ARMC2: variants seen among roughly 807,000 people sequenced by gnomAD.
ARMC2 encodes armadillo repeat-containing protein 2.
A neutral mutation model predicts 90.3 loss-of-function variants in ARMC2; 67 were observed. The observed-to-expected ratio is 0.74, with a 90% CI of 0.61 to 0.91. ARMC2 has a LOEUF of 0.91. Among genes scored for constraint, ARMC2 ranks in the 40% least tolerant of loss-of-function variants. The pLI is 0.00. For synonymous variants in ARMC2, 393 were observed against 393.0 expected (o/e 1.00, Z 0.00); for missense variants, 920 against 1,030.9 (o/e 0.89, Z 1.47).
intron 5 of ARMC2, among the ~76,000 whole-genome samples, chr6:108,880,563 C>T (rs945681121): frequency 2.6e-5 from 4 of 152,142 alleles, no homozygotes; most frequent in African/African-American, 9.7e-5. Flanking sequence ...GAGCAAGGAA[C>T]GAAGATAATG....
At chr6:108,975,003 T>C (rs1012606827), downstream of ARMC2, among the ~76,000 whole-genome samples, 14 of 150,132 alleles carry the variant, frequency 9.3e-5, no homozygotes, top group African/African-American at 2.9e-4. Context: ...CTCTCTCTCT[T>C]TTTTTTTTTC....
At chr6:108,933,022 A>T (rs1775700784) in intron 11 of ARMC2, among the ~76,000 whole-genome samples, 2 of 151,892 alleles carry the variant, frequency 1.3e-5, no homozygotes, top group Admixed American at 1.3e-4. Flanking sequence ...TTCTTTTTGC[A>T]TAAGATTCCT....
chr6:109,015,720 G>A, the ARMC2 span, among the ~76,000 whole-genome samples: 4 of 152,108 alleles, frequency 2.6e-5, no homozygotes. Context: ...TATGTTGCTA[G>A]GCGCTACTGA....
rs143041417 is a variant in ARMC2 at position 108,920,283 on chromosome 6, G to A, written c.1350+7725G>A. Reference sequence around the variant, plus strand: ...CAGCTCACTGCAACCTCCACCTCCCGGGTTCAAGCAGTTCTCCTGCCTCAG... The same window carrying A: ...CAGCTCACTGCAACCTCCACCTCCCAGGTTCAAGCAGTTCTCCTGCCTCAG... On this transcript the variant is annotated intron_variant, in intron 10 of 17. Transcript: ENST00000392644. Among the ~76,000 whole-genome samples the A allele has an allele frequency of 5.3e-4, 81 of 152,216 alleles. 1 individual carries two copies. The highest frequency in any genetic ancestry group is 1.9e-3 in the African/African-American group (78 of 41,522).
chr6:108,967,244 A>C (rs1778436289), intron 17 of ARMC2, among the ~76,000 whole-genome samples: 1 of 152,190 alleles, frequency 6.6e-6, no homozygotes, highest in African/African-American at 2.4e-5. Context: ...AGAAGATATG[A>C]TTGGCTCAGT....
chr6:108,937,491 G>C (rs1301049164), intron 12 of ARMC2, among the ~76,000 whole-genome samples: 1 of 152,146 alleles, frequency 6.6e-6, no homozygotes, highest in Non-Finnish European at 1.5e-5. Flanking sequence ...AGTCCCTGAA[G>C]ATTCTTCTAG....
At chr6:108,905,196 T>G (rs1772553821) in intron 8 of ARMC2, among the ~76,000 whole-genome samples, 1 of 152,190 alleles carries the variant, frequency 6.6e-6, no homozygotes, top group Non-Finnish European at 1.5e-5. Flanking sequence ...ATTTAAAATC[T>G]TACAGTACAC....
At chr6:108,918,011 G>A (rs2128477418) in intron 10 of ARMC2, among the ~76,000 whole-genome samples, 1 of 152,246 alleles carries the variant, frequency 6.6e-6, no homozygotes, top group South Asian at 2.1e-4. Context: ...ACTTTCAGAT[G>A]CCAGCAGGCC....
intron 13 of ARMC2, among the ~76,000 whole-genome samples, chr6:108,954,686 C>A (rs1042787287): frequency 6.6e-6 from 1 of 152,176 alleles, no homozygotes; most frequent in Non-Finnish European, 1.5e-5. Context: ...TGGAAGGAAG[C>A]TAATGTCTGA....
intron 17 of ARMC2, among the ~76,000 whole-genome samples, chr6:108,969,154 A>G (rs6936606): frequency 0.048 from 7,237 of 152,306 alleles, 312 homozygotes; most frequent in African/African-American, 0.12. Context: ...TTTTGTGACA[A>G]GGGTAGAGCG....
intron 5 of ARMC2, 80 bp from the exon 6 acceptor site, chr6:108,894,387 T>C (rs1040966032): frequency 3.4e-6 from 4 of 1,184,498 alleles, no homozygotes; most frequent in African/African-American, 1.6e-5. Context: ...AATAAGAAAC[T>C]GTATATAGCA....
chr6:108,956,476 T>G (rs1197906449), intron 13 of ARMC2, among the ~76,000 whole-genome samples: 5 of 150,490 alleles, frequency 3.3e-5, no homozygotes, highest in Non-Finnish European at 7.4e-5. Context: ...GCAGGCAGAT[T>G]GCTTGAGGCC....
chr6:109,044,673 CTAATA>C, the ARMC2 span, among the ~76,000 whole-genome samples: 7 of 152,056 alleles, frequency 4.6e-5, no homozygotes, highest in Non-Finnish European at 8.8e-5. Context: ...CTCTATCTAC[CTAATA>C]TATTTAATCT....
At chr6:108,915,827 C>T (rs959008910) in intron 10 of ARMC2, among the ~76,000 whole-genome samples, 3 of 151,760 alleles carry the variant, frequency 2.0e-5, no homozygotes, top group African/African-American at 7.3e-5. Flanking sequence ...CATGGGGGGA[C>T]GAGATGAGAT....
chr6:108,914,203 T>C (rs1045819777), intron 10 of ARMC2, among the ~76,000 whole-genome samples: 7 of 152,062 alleles, frequency 4.6e-5, no homozygotes, highest in African/African-American at 9.7e-5. Context: ...CACACACATA[T>C]GATCAGTGGG....
At chr6:108,942,231 G>A (rs1337415441) in intron 12 of ARMC2, among the ~76,000 whole-genome samples, 1 of 152,184 alleles carries the variant, frequency 6.6e-6, no homozygotes, top group East Asian at 1.9e-4. Context: ...CACCTGTAAG[G>A]TGTTAAAAAA....
At chr6:109,047,504 C>T in the ARMC2 span, among the ~76,000 whole-genome samples, 4 of 129,220 alleles carry the variant, frequency 3.1e-5, no homozygotes, top group Admixed American at 2.2e-4. Flanking sequence ...CCAGCCGCCC[C>T]GTCCGGGAGG....
chr6:108,964,692 T>C (rs1014239289), intron 16 of ARMC2, among the ~76,000 whole-genome samples: 1 of 151,934 alleles, frequency 6.6e-6, no homozygotes, highest in South Asian at 2.1e-4. Context: ...GAGAATCGCT[T>C]GAATCCGGGA....
intron 5 of ARMC2, among the ~76,000 whole-genome samples, chr6:108,888,921 A>G (rs574572762): frequency 1.3e-5 from 2 of 152,268 alleles, no homozygotes; most frequent in Non-Finnish European, 2.9e-5. Context: ...ACTTCCTTGT[A>G]TAAGAACCCA....
Sources: gnomAD v4.1 joint callset for allele counts (sites outside exome capture counted in the v4.1 genomes callset) on GRCh38, gnomAD v4.1.1 for gene constraint, MANE v1.5 for transcripts, NCBI Gene and HGNC (gene_info 2026-07-23, HGNC 2026-07-21) for gene names.